RTL9: variants seen among roughly 807,000 people sequenced by gnomAD.
RTL9 encodes the protein retrotransposon Gag-like protein 9.
A neutral mutation model predicts 44.7 loss-of-function variants in RTL9; 19 were observed. That is an observed-to-expected ratio of 0.42 (90% CI 0.30 to 0.62). The LOEUF (loss-of-function observed/expected upper bound fraction) is 0.62. Ranked by LOEUF, RTL9 falls within the 20% of genes least tolerant of loss-of-function variation. The pLI is 0.16. For synonymous variants in RTL9, 407 were observed against 398.9 expected, an observed-to-expected ratio of 1.02 and a Z score of -0.24; for missense variants, 1,105 against 1,080.6, an observed-to-expected ratio of 1.02 and a Z score of -0.32.
chrX:110,387,075 A>T (rs776157993), intron 1 of RTL9, among the ~76,000 whole-genome samples: 8 of 112,170 alleles, frequency 7.1e-5, no homozygotes, highest in Non-Finnish European at 1.3e-4. Flanking sequence ...AGGAGAAGGG[A>T]TCTAAGCAGT....
chrX:110,427,973 G>A (rs1228415466), intron 1 of RTL9, among the ~76,000 whole-genome samples: 5 of 111,526 alleles, frequency 4.5e-5, no homozygotes, highest in African/African-American at 9.8e-5. Flanking sequence ...AGTTTTCCCC[G>A]CCTGTCCAGT....
At chrX:110,448,306 C>T (rs1032046714), upstream of RTL9, among the ~76,000 whole-genome samples, 1 of 111,266 alleles carries the variant, frequency 9.0e-6, no homozygotes, top group Non-Finnish European at 1.9e-5. Context: ...CAGTTTCTTT[C>T]CCTCGAGCCC....
At position 110,383,013 on chromosome X, in the gene RTL9, C is replaced by G. The variant is rs753589066; in HGVS notation, c.-168+24097C>G. Among the ~76,000 whole-genome samples the G allele has an allele frequency of 5.1e-4, 57 of 112,060 alleles. 1 individual carries two copies. Among genetic ancestry groups the G allele is most frequent in the Admixed American group, 3.4e-3 (36 of 10,619 alleles). On this transcript the variant is annotated intron_variant, in intron 1 of 2. Coordinates refer to the RTL9 transcript ENST00000520821. Reference sequence around the variant, plus strand: ...GTGGGAGTGGAATCAAAGGGTTCCCCTAGACCCATGGATGAAGAGACGACT... The same window carrying G: ...GTGGGAGTGGAATCAAAGGGTTCCCGTAGACCCATGGATGAAGAGACGACT...
intron 1 of RTL9, among the ~76,000 whole-genome samples, chrX:110,426,008 A>T (rs865858326): frequency 7.1e-5 from 8 of 112,326 alleles, no homozygotes; most frequent in Admixed American, 9.4e-5. Context: ...AAACGCACAC[A>T]CACACACACA....
intron 1 of RTL9, among the ~76,000 whole-genome samples, chrX:110,401,184 A>G (rs1160011959): frequency 8.9e-6 from 1 of 112,306 alleles, no homozygotes; most frequent in Non-Finnish European, 1.9e-5. Flanking sequence ...ATTTGAACGT[A>G]GGCTCCAATA....
chrX:110,404,551 C>T (rs969510540), intron 1 of RTL9, among the ~76,000 whole-genome samples: 1 of 112,052 alleles, frequency 8.9e-6, no homozygotes, highest in Admixed American at 9.4e-5. Context: ...ACTGTAATTA[C>T]GAAAGCTGAA....
intron 1 of RTL9, among the ~76,000 whole-genome samples, chrX:110,359,626 C>A (rs992889702): frequency 8.1e-5 from 9 of 111,513 alleles, no homozygotes; most frequent in African/African-American, 2.3e-4. Context: ...ACTATCTATT[C>A]ATTAATTAAT....
At chrX:110,375,924 G>A (rs923342187) in intron 1 of RTL9, among the ~76,000 whole-genome samples, 1 of 111,469 alleles carries the variant, frequency 9.0e-6, no homozygotes, top group Non-Finnish European at 1.9e-5. Context: ...TAATATTGAT[G>A]TCAGTTATAG....
chrX:110,381,933 T>C (rs2068422632), intron 1 of RTL9, among the ~76,000 whole-genome samples: 1 of 111,260 alleles, frequency 9.0e-6, no homozygotes, highest in East Asian at 2.8e-4. Flanking sequence ...ATGGAATCAA[T>C]AGAAGCCCAA....
At chrX:110,450,654 A>G in exon 1 of RTL9, 1 of 1,211,031 alleles carries the variant, frequency 8.3e-7, no homozygotes, top group Non-Finnish European at 1.1e-6. Context: ...ATTCAACAAT[A>G]CAATGAGGGA....
Position 110,429,458 on chromosome X carries a change from G to GT in RTL9, c.-168+10338dup, listed in dbSNP as rs554736940. Among the ~76,000 whole-genome samples the GT allele has an allele frequency of 9.0e-3, 726 of 80,662 alleles. 7 individuals are homozygous for GT. Among genetic ancestry groups the GT allele is most frequent in the Middle Eastern group, 0.025 (4 of 162 alleles). The allele number at this position is 80,662 out of a possible 115,157, so 70.0% of individuals were successfully genotyped here. A position where few individuals can be genotyped will look rare whatever the true frequency, so the allele number is the denominator to read the frequency against. ...AAACGATGATACTTAGAGAAAAAGT[G>GT]TTTTTTTTTTTTTTTGTTTTGTTTT... On this transcript the variant is annotated intron_variant, in intron 1 of 3. Coordinates refer to the RTL9 transcript ENST00000465301.
chrX:110,452,281 G>A (rs1199578058), exon 1 of RTL9: 14 of 1,209,885 alleles, frequency 1.2e-5, no homozygotes, highest in Non-Finnish European at 1.3e-5. Context: ...CCACAAATGA[G>A]AACCATGGCC....
chrX:110,454,182 C>T, exon 1 of RTL9: 2 of 1,211,917 alleles, frequency 1.7e-6, no homozygotes. Context: ...AATGGCATTT[C>T]TGGTATCTCT....
Position 110,398,631 on chromosome X carries a change from C to G in RTL9, c.-168+39715C>G, listed in dbSNP as rs369342667. On this transcript the variant is annotated intron_variant, in intron 1 of 2. Coordinates refer to the RTL9 transcript ENST00000520821. Reference sequence around the variant, plus strand: ...TAGAACTAGGACACAGCAGAAGAAACAGGCATAAATCCAGTTAGATCTTAA... The same window carrying G: ...TAGAACTAGGACACAGCAGAAGAAAGAGGCATAAATCCAGTTAGATCTTAA... Among the ~76,000 whole-genome samples, 9 of 111,900 alleles carry G rather than the reference C, an allele frequency of 8.0e-5. 1 individual carries two copies. The East Asian group carries it at 2.5e-3, about 31-fold the overall frequency.
At chrX:110,387,135 G>C (rs1030696803) in intron 1 of RTL9, among the ~76,000 whole-genome samples, 2 of 111,773 alleles carry the variant, frequency 1.8e-5, no homozygotes, top group African/African-American at 3.3e-5. Context: ...AAGACTTGGA[G>C]AGAAAAAAAT....
intron 1 of RTL9, among the ~76,000 whole-genome samples, chrX:110,371,819 C>T (rs987581611): frequency 1.3e-4 from 14 of 111,409 alleles, no homozygotes; most frequent in Non-Finnish European, 2.3e-4. Flanking sequence ...CTCCCCTTGG[C>T]TTTTCAGGTC....
At chrX:110,429,359 A>G (rs2068778029) in intron 1 of RTL9, among the ~76,000 whole-genome samples, 1 of 111,807 alleles carries the variant, frequency 8.9e-6, no homozygotes, top group African/African-American at 3.3e-5. Context: ...TAGACACTGC[A>G]AACCTGATTT....
At chrX:110,428,850 G>T (rs888267541) in intron 1 of RTL9, among the ~76,000 whole-genome samples, 1 of 112,131 alleles carries the variant, frequency 8.9e-6, no homozygotes, top group Non-Finnish European at 1.9e-5. Context: ...TATAATCAAG[G>T]ATTTCAAGAT....
upstream of RTL9, among the ~76,000 whole-genome samples, chrX:110,449,692 G>A (rs765037848): frequency 4.4e-5 from 5 of 112,514 alleles, no homozygotes; most frequent in Non-Finnish European, 7.5e-5. Flanking sequence ...CAAGCTCAGG[G>A]ATGCCAAACA....
Sources: gnomAD v4.1 joint callset for allele counts (sites outside exome capture counted in the v4.1 genomes callset) on GRCh38, gnomAD v4.1.1 for gene constraint, MANE v1.5 for transcripts, NCBI Gene and HGNC (gene_info 2026-07-23, HGNC 2026-07-21) for gene names.